KIAA1549L: variants seen among roughly 807,000 people sequenced by gnomAD.
KIAA1549L encodes the protein KIAA1549 like, also known as UPF0606 protein KIAA1549L.
KIAA1549L carries 88 observed loss-of-function variants against 160.7 expected under a neutral mutation model. The ratio of observed to expected loss-of-function variants is 0.55; its 90% CI spans 0.46 to 0.65. The LOEUF (loss-of-function observed/expected upper bound fraction) is 0.65. Ranked by LOEUF, KIAA1549L falls within the 30% of genes least tolerant of loss-of-function variation. The pLI is 0.00. For missense variants in KIAA1549L, 2,258 were observed against 2,437.5 expected (o/e 0.93, Z 1.55); for synonymous variants, 950 against 976.7 (o/e 0.97, Z 0.51).
intron 11 of KIAA1549L, among the ~76,000 whole-genome samples, chr11:33,584,387 C>T (rs1263749581): frequency 2.0e-5 from 3 of 152,158 alleles, no homozygotes; most frequent in Non-Finnish European, 4.4e-5. Flanking sequence ...GCCAGAAAAC[C>T]CCCGTTCAGT....
At chr11:33,664,912 A>G (rs1852389264) in intron 20 of KIAA1549L, among the ~76,000 whole-genome samples, 1 of 152,214 alleles carries the variant, frequency 6.6e-6, no homozygotes, top group Non-Finnish European at 1.5e-5. Flanking sequence ...AACAGGCTGT[A>G]TTTCTCAGAA....
intron 15 of KIAA1549L, among the ~76,000 whole-genome samples, chr11:33,615,675 T>C (rs1350117821): frequency 1.8e-4 from 28 of 152,278 alleles, no homozygotes; most frequent in Non-Finnish European, 2.9e-5. Context: ...TACACTTCAA[T>C]GTCGACACTT....
intron 1 of KIAA1549L, among the ~76,000 whole-genome samples, chr11:33,380,010 A>C (rs1169818668): frequency 6.6e-6 from 1 of 152,194 alleles, no homozygotes; most frequent in Non-Finnish European, 1.5e-5. Flanking sequence ...TTCTGGGGGC[A>C]TGGGGGCCTT....
At chr11:33,511,668 C>T (rs1213433933) in intron 1 of KIAA1549L, among the ~76,000 whole-genome samples, 6 of 152,210 alleles carry the variant, frequency 3.9e-5, no homozygotes, top group African/African-American at 1.4e-4. Flanking sequence ...CCCAAATATG[C>T]ACTGACCTTA....
At position 33,435,830 on chromosome 11, in the gene KIAA1549L, ATG is replaced by A. The variant is rs377177112; in HGVS notation, c.238+58943_238+58944del. Among the ~76,000 whole-genome samples the A allele has an allele frequency of 3.9e-3, 169 of 43,278 alleles. 15 individuals are homozygous for A. Among genetic ancestry groups the A allele is most frequent in the African/African-American group, 0.015 (139 of 9,290 alleles). The allele number at this position is 43,278 out of a possible 152,430, so 28.4% of individuals were successfully genotyped here. On this transcript the variant is annotated intron_variant, in intron 1 of 20. Transcript: ENST00000658780. ...TATATATGTGTGTGTATATATATAT[ATG>A]TATATGTATATGTGTGTGTGTGTGT...
At chr11:33,464,788 C>T (rs1316272675) in intron 1 of KIAA1549L, among the ~76,000 whole-genome samples, 1 of 152,058 alleles carries the variant, frequency 6.6e-6, no homozygotes, top group African/African-American at 2.4e-5. Flanking sequence ...GCAAGGCTTA[C>T]TAGCTCTTTC....
chr11:33,648,826 G>T (rs1280790362), intron 17 of KIAA1549L, among the ~76,000 whole-genome samples: 1 of 152,054 alleles, frequency 6.6e-6, no homozygotes, highest in Non-Finnish European at 1.5e-5. Flanking sequence ...TTTCAAAAAA[G>T]ACAACAGGGC....
chr11:33,607,482 A>G (rs1477223922), intron 14 of KIAA1549L, among the ~76,000 whole-genome samples: 1 of 152,252 alleles, frequency 6.6e-6, no homozygotes, highest in Non-Finnish European at 1.5e-5. Context: ...CATCTTCAGC[A>G]GCAGAATGGC....
intron 20 of KIAA1549L, among the ~76,000 whole-genome samples, chr11:33,663,610 A>G (rs1191259877): frequency 6.6e-6 from 1 of 152,154 alleles, no homozygotes; most frequent in Non-Finnish European, 1.5e-5. Context: ...CAGCCACAGC[A>G]AGTACAGTTA....
intron 1 of KIAA1549L, among the ~76,000 whole-genome samples, chr11:33,470,712 G>A (rs547175043): frequency 1.3e-5 from 2 of 152,112 alleles, no homozygotes; most frequent in Admixed American, 6.6e-5. Flanking sequence ...CTTGGCCTCC[G>A]AAAATACTGG....
chr11:33,581,851 A>G (rs925688445), intron 10 of KIAA1549L, among the ~76,000 whole-genome samples: 2 of 152,210 alleles, frequency 1.3e-5, no homozygotes, highest in Non-Finnish European at 2.9e-5. Flanking sequence ...GTTTATGTAA[A>G]TGAAGGTGAG....
intron 10 of KIAA1549L, among the ~76,000 whole-genome samples, chr11:33,576,023 C>T (rs1423765932): frequency 6.6e-6 from 1 of 152,030 alleles, no homozygotes; most frequent in Non-Finnish European, 1.5e-5. Flanking sequence ...TGAGGAGGCT[C>T]TGTGGCGTCC....
At chr11:33,457,211 C>T (rs1260084058) in intron 1 of KIAA1549L, among the ~76,000 whole-genome samples, 1 of 152,184 alleles carries the variant, frequency 6.6e-6, no homozygotes, top group African/African-American at 2.4e-5. Context: ...ACTGACCTCC[C>T]TCTGCAGAAA....
chr11:33,573,526 A>G (rs1855340212), intron 9 of KIAA1549L, among the ~76,000 whole-genome samples: 1 of 152,214 alleles, frequency 6.6e-6, no homozygotes, highest in Admixed American at 6.5e-5. Flanking sequence ...ACACTATAGT[A>G]TGTCATCATG....
At chr11:33,616,094 C>T (rs1434928310) in intron 15 of KIAA1549L, among the ~76,000 whole-genome samples, 3 of 152,132 alleles carry the variant, frequency 2.0e-5, no homozygotes, top group Non-Finnish European at 4.4e-5. Context: ...GATGGAAATC[C>T]AGCACAAACT....
chr11:33,660,289 A>G (rs1852213375), intron 19 of KIAA1549L, among the ~76,000 whole-genome samples: 1 of 152,202 alleles, frequency 6.6e-6, no homozygotes, highest in African/African-American at 2.4e-5. Context: ...AAGAAAGAAG[A>G]CCAGGTGGCC....
At chr11:33,526,353 A>G (rs1265295673) in intron 1 of KIAA1549L, among the ~76,000 whole-genome samples, 5 of 152,230 alleles carry the variant, frequency 3.3e-5, no homozygotes, top group Non-Finnish European at 7.3e-5. Context: ...CACTGCTAGC[A>G]TAACCAGCAT....
intron 13 of KIAA1549L, among the ~76,000 whole-genome samples, chr11:33,605,443 G>C (rs1048042915): frequency 6.6e-6 from 1 of 152,118 alleles, no homozygotes; most frequent in African/African-American, 2.4e-5. Context: ...CATTCAAATA[G>C]AGATTTTCCT....
At chr11:33,517,431 C>T (rs562290784) in intron 1 of KIAA1549L, among the ~76,000 whole-genome samples, 38 of 152,206 alleles carry the variant, frequency 2.5e-4, no homozygotes, top group Non-Finnish European at 4.6e-4. Context: ...GGGTAATATC[C>T]ATATCCTGAG....
Sources: allele counts gnomAD v4.1 joint callset (sites outside exome capture counted in the v4.1 genomes callset), GRCh38; gene constraint gnomAD v4.1.1; transcripts MANE v1.5; gene names NCBI Gene and HGNC (gene_info 2026-07-23, HGNC 2026-07-21).